Variants in NOL4 observed in about 807,000 individuals in gnomAD.
NOL4 encodes the protein cancer/testis antigen 125.
NOL4 carries 17 observed loss-of-function variants against 75.9 expected under a neutral mutation model. That is an observed-to-expected ratio of 0.22 (90% CI 0.15 to 0.34). The LOEUF (loss-of-function observed/expected upper bound fraction) is 0.34. Ranked by LOEUF, NOL4 falls within the 10% of genes least tolerant of loss-of-function variation. The pLI is 1.00. For synonymous variants in NOL4, 292 were observed against 289.9 expected, an observed-to-expected ratio of 1.01 and a Z score of -0.07; for missense variants, 614 against 793.5, an observed-to-expected ratio of 0.77 and a Z score of 2.72.
intron 5 of NOL4, among the ~76,000 whole-genome samples, chr18:34,092,557 C>T (rs1476913058): frequency 6.6e-6 from 1 of 152,076 alleles, no homozygotes; most frequent in African/African-American, 2.4e-5. Context: ...TCTTTTGCAA[C>T]CAGTTTGTAA....
chr18:33,992,132 C>A (rs1370198373), intron 6 of NOL4, among the ~76,000 whole-genome samples: 1 of 151,862 alleles, frequency 6.6e-6, no homozygotes, highest in African/African-American at 2.4e-5. Context: ...TCTACTTAAC[C>A]TGAAATTTTG....
intron 1 of NOL4, among the ~76,000 whole-genome samples, chr18:34,168,749 T>C (rs929678901): frequency 1.3e-5 from 2 of 151,868 alleles, no homozygotes; most frequent in Admixed American, 1.3e-4. Flanking sequence ...TAGAATTTAA[T>C]ATGTTTGCAT....
At chr18:33,934,720 A>G (rs2067937814) in intron 9 of NOL4, among the ~76,000 whole-genome samples, 2 of 152,042 alleles carry the variant, frequency 1.3e-5, no homozygotes, top group Admixed American at 6.6e-5. Context: ...AATTGAAGAG[A>G]GTTAGGATCT....
At chr18:34,042,733 T>C (rs2076194290) in intron 5 of NOL4, among the ~76,000 whole-genome samples, 1 of 152,044 alleles carries the variant, frequency 6.6e-6, no homozygotes, top group South Asian at 2.1e-4. Context: ...GTTATCTCCA[T>C]ATTACAAATA....
chr18:34,097,934 A>C (rs1406763969), intron 4 of NOL4, among the ~76,000 whole-genome samples: 2 of 152,240 alleles, frequency 1.3e-5, no homozygotes, highest in Non-Finnish European at 2.9e-5. Flanking sequence ...AGTTTATAAG[A>C]AGGTCAAATG....
intron 9 of NOL4, among the ~76,000 whole-genome samples, chr18:33,920,442 T>C (rs1330209822): frequency 6.6e-6 from 1 of 152,210 alleles, no homozygotes; most frequent in Non-Finnish European, 1.5e-5. Flanking sequence ...AAATTCTTAT[T>C]AGGTATAGCT....
intron 6 of NOL4, among the ~76,000 whole-genome samples, chr18:34,013,900 A>G (rs551698608): frequency 6.2e-4 from 94 of 152,060 alleles, no homozygotes; most frequent in African/African-American, 2.2e-3. Context: ...GAATAAGAAT[A>G]CATGTTGTTG....
intron 5 of NOL4, among the ~76,000 whole-genome samples, chr18:34,085,163 A>T (rs1369389183): frequency 6.6e-6 from 1 of 152,224 alleles, no homozygotes; most frequent in East Asian, 1.9e-4. Context: ...TTCAGAAAGG[A>T]TATGTATTGT....
chr18:34,019,407 C>A lies in NOL4; in HGVS notation c.967G>T (p.Asp323Tyr), dbSNP rs1451228325. The A allele has an allele frequency of 1.4e-5, 22 of 1,613,822 alleles. No individual in the cohort carries two copies. The highest frequency in any genetic ancestry group is 1.9e-5 in the Non-Finnish European group (22 of 1,179,972). The change falls in exon 6 of 11, where the codon GAT becomes TAT. Residue 323 changes from aspartate to tyrosine, a missense_variant. Coordinates refer to ENST00000261592, the MANE Select transcript of NOL4 (RefSeq NM_003787.5). ...TTGTTTTTCCCATTACTGTTGTGAT[C>A]ATCTATTCTGTATTCCGAAGTTAGC... is the stretch of plus-strand genomic sequence containing the variant. The part of the protein sequence containing the change: ...AQLTSEYRID[D>Y]HNSNGKNKYK...
At chr18:34,007,560 C>T (rs1320993767) in intron 6 of NOL4, among the ~76,000 whole-genome samples, 1 of 151,948 alleles carries the variant, frequency 6.6e-6, no homozygotes, top group Non-Finnish European at 1.5e-5. Flanking sequence ...TTGTTATGAA[C>T]ATGCTTATAT....
intron 1 of NOL4, among the ~76,000 whole-genome samples, chr18:34,137,867 G>GAATATTAATAGTAATATTAATAGT (rs2080965137): frequency 6.6e-6 from 1 of 150,844 alleles, no homozygotes; most frequent in Non-Finnish European, 1.5e-5. Flanking sequence ...TATTATACAT[G>GAATATTAATAGTAATATTAATAGT]AATATTAATA....
chr18:33,979,499 C>T (rs1484720094), intron 6 of NOL4, among the ~76,000 whole-genome samples: 1 of 151,868 alleles, frequency 6.6e-6, no homozygotes, highest in Non-Finnish European at 1.5e-5. Flanking sequence ...TAATGTACTA[C>T]TTGGTAAAGA....
chr18:33,959,028 T>C (rs1301748938), intron 6 of NOL4, among the ~76,000 whole-genome samples: 1 of 152,120 alleles, frequency 6.6e-6, no homozygotes, highest in East Asian at 1.9e-4. Flanking sequence ...TAAGAGGTCA[T>C]CTGATTTGGG....
At chr18:34,191,787 A>G (rs1367459018) in intron 1 of NOL4, among the ~76,000 whole-genome samples, 1 of 152,152 alleles carries the variant, frequency 6.6e-6, no homozygotes, top group African/African-American at 2.4e-5. Flanking sequence ...CAAACTTTAC[A>G]AAAGGAAGCC....
intron 2 of NOL4, among the ~76,000 whole-genome samples, chr18:34,114,014 C>A (rs2079732912): frequency 1.3e-5 from 2 of 152,138 alleles, no homozygotes; most frequent in Non-Finnish European, 2.9e-5. Flanking sequence ...TATGTAATAG[C>A]AGTTGCAAAT....
intron 1 of NOL4, among the ~76,000 whole-genome samples, chr18:34,182,204 G>A (rs577436166): frequency 6.6e-6 from 1 of 151,728 alleles, no homozygotes; most frequent in South Asian, 2.1e-4. Flanking sequence ...TGGCATATCG[G>A]TATAATGGAA....
At chr18:33,974,393 T>C (rs1344097597) in intron 6 of NOL4, among the ~76,000 whole-genome samples, 1 of 152,166 alleles carries the variant, frequency 6.6e-6, no homozygotes, top group Non-Finnish European at 1.5e-5. Flanking sequence ...TAAAGCTGTT[T>C]TGCTTTCTTA....
At chr18:33,951,376 G>A (rs2069206081) in intron 8 of NOL4, among the ~76,000 whole-genome samples, 1 of 152,064 alleles carries the variant, frequency 6.6e-6, no homozygotes, top group Admixed American at 6.5e-5. Flanking sequence ...TGTAGATAAT[G>A]TGTTATTTCT....
At chr18:34,146,730 G>GT (rs577790396) in intron 1 of NOL4, among the ~76,000 whole-genome samples, 6,895 of 147,358 alleles carry the variant, frequency 0.047, 179 homozygotes, top group Middle Eastern at 0.072. Context: ...ATTTAAAGTA[G>GT]TTTTTTTTTT....
Sources: allele counts gnomAD v4.1 joint callset (sites outside exome capture counted in the v4.1 genomes callset), GRCh38; gene constraint gnomAD v4.1.1; transcripts MANE v1.5; gene names NCBI Gene and HGNC (gene_info 2026-07-23, HGNC 2026-07-21).